Variants in ARHGEF11 observed in about 807,000 individuals in gnomAD.
ARHGEF11 encodes the protein Rho guanine nucleotide exchange factor 11, also known as Rho guanine exchange factor (GEF) 11.
A neutral mutation model predicts 193.7 loss-of-function variants in ARHGEF11; 55 were observed. The ratio of observed to expected loss-of-function variants is 0.28; its 90% CI spans 0.23 to 0.36. The LOEUF (loss-of-function observed/expected upper bound fraction) is 0.36. ARHGEF11 is among the 10% of genes least tolerant of loss of function. The pLI, the probability that ARHGEF11 is intolerant of heterozygous loss-of-function variation, is 1.00. For missense variants in ARHGEF11, 1,723 were observed against 2,005.6 expected, an observed-to-expected ratio of 0.86 and a Z score of 2.69; for synonymous variants, 693 against 768.0, an observed-to-expected ratio of 0.90 and a Z score of 1.62.
rs150888166 is a variant in ARHGEF11, at chr1:156,990,093, CCAAT to C, written c.33-3924_33-3921del. On this transcript the variant is annotated intron_variant, in intron 1 of 40. Coordinates refer to ENST00000368194, the MANE Select transcript of ARHGEF11 (RefSeq NM_198236.3). ...TTCCCCAATTGCCTCAGTTCAGGAG[CCAAT>C]CAAAGATCTCGAATTATACTTACGT... 7.9e-3 allele frequency among the ~76,000 whole-genome samples: 1,206 copies of C among 152,266 alleles called. 14 individuals carry two copies. Among genetic ancestry groups the C allele is most frequent in the African/African-American group, 0.026 (1,077 of 41,536 alleles).
At chr1:157,027,160 G>A (rs770877409) in intron 1 of ARHGEF11, among the ~76,000 whole-genome samples, 18 of 152,256 alleles carry the variant, frequency 1.2e-4, no homozygotes, top group Middle Eastern at 3.4e-3. Context: ...CAGGAGGATC[G>A]CTTGAGCCTA....
At chr1:156,941,455 G>C in intron 34 of ARHGEF11, 22 bp from the exon 35 acceptor site, 1 of 1,612,394 alleles carries the variant, frequency 6.2e-7, no homozygotes, top group Non-Finnish European at 8.5e-7. Context: ...AACCAACACA[G>C]GATGAGATCC....
Position 156,940,270 on chromosome 1 carries a change from T to C in ARHGEF11, c.3670A>G (p.Ile1224Val). The C allele has an allele frequency of 6.2e-7, 1 of 1,612,414 alleles. No individual in the cohort carries two copies. The highest frequency in any genetic ancestry group is 8.5e-7 in the Non-Finnish European group (1 of 1,178,914). The change falls in exon 36 of 41, where the codon ATC (isoleucine) becomes GTC (valine). Residue 1224 changes from isoleucine to valine, a missense_variant. Physicochemically the swap from Ile to Val is conservative, Grantham distance 29. Coordinates refer to ENST00000368194, the MANE Select transcript of ARHGEF11 (RefSeq NM_198236.3). ...AGAGGGCCTGGGAAGGCCAAGTGGA[T>C]GGGGTTCCTTGTCCTGATGCCCCTG... ...ENRGIRTRNP[I>V]HLAFPGPLFM... is the part of the protein sequence containing the mutation.
chr1:157,030,545 G>A (rs1486190921), intron 1 of ARHGEF11, among the ~76,000 whole-genome samples: 1 of 152,116 alleles, frequency 6.6e-6, no homozygotes, highest in Non-Finnish European at 1.5e-5. Flanking sequence ...TTCCTAGTCA[G>A]GCAAATTTCA....
At chr1:156,969,532 C>T (rs1662224901) in intron 9 of ARHGEF11, among the ~76,000 whole-genome samples, 174 bp from the exon 10 acceptor site, 1 of 152,154 alleles carries the variant, frequency 6.6e-6, no homozygotes, top group South Asian at 2.1e-4. Flanking sequence ...CTTCCCGGCA[C>T]ACCTCCCCTC....
rs369125004 is a variant in ARHGEF11, at chr1:156,947,878, C to G, written c.2232G>C (p.Leu744=). Residue 744 remains leucine (L), a synonymous_variant, in exon 25 of 41, where the codon CTG becomes CTC. Transcript: ENST00000368194. Reference sequence around the variant, plus strand: ...CATCTGGCTCTGGCTCCAGGTCAGACAGCTGGCCCAGATCATCCTCTAGGA... The same window carrying G: ...CATCTGGCTCTGGCTCCAGGTCAGAGAGCTGGCCCAGATCATCCTCTAGGA... The part of the protein sequence containing the change: ...PHLLEDDLGQ[L]SDLEPEPDAQ... The G allele has an allele frequency of 5.6e-6, 9 of 1,614,152 alleles. No individual in the cohort carries two copies. The highest frequency in any genetic ancestry group is 2.2e-5 in the East Asian group (1 of 44,878).
chr1:156,978,174 G>T (rs753876587), intron 6 of ARHGEF11, 30 bp downstream of exon 6: 3 of 1,613,858 alleles, frequency 1.9e-6, no homozygotes, highest in Admixed American at 3.3e-5. Context: ...GGACATTAGG[G>T]TGAGGAAAGA....
intron 1 of ARHGEF11, among the ~76,000 whole-genome samples, chr1:157,036,211 A>C (rs1240827015): frequency 6.8e-6 from 1 of 146,148 alleles, no homozygotes; most frequent in Non-Finnish European, 1.5e-5. Context: ...ATATACATAT[A>C]TATATATGGC....
chr1:157,008,979 T>C lies in ARHGEF11; in HGVS notation c.33-22806A>G, dbSNP rs572242024. 1.5e-3 allele frequency among the ~76,000 whole-genome samples: 228 copies of C among 152,340 alleles called. 1 individual carries two copies. The highest frequency in any genetic ancestry group is 5.2e-3 in the African/African-American group (216 of 41,580). ...TTTCAAAGGCTTTTCCTCCTAGCTA[T>C]TGTTGAACTACAAGATTGCACTCAG... On this transcript the variant is annotated intron_variant, in intron 1 of 40. Coordinates refer to ENST00000368194, the MANE Select transcript of ARHGEF11 (RefSeq NM_198236.3).
At chr1:157,022,551 G>A (rs1351008719) in intron 1 of ARHGEF11, among the ~76,000 whole-genome samples, 7 of 152,182 alleles carry the variant, frequency 4.6e-5, no homozygotes, top group Admixed American at 4.6e-4. Context: ...AGACATCCAT[G>A]TTTATGGGTT....
chr1:157,037,549 C>T (rs1321924266), intron 1 of ARHGEF11, among the ~76,000 whole-genome samples: 1 of 152,188 alleles, frequency 6.6e-6, no homozygotes, highest in Non-Finnish European at 1.5e-5. Flanking sequence ...TGTTGCTCCT[C>T]TAGTCTGAAA....
At chr1:156,961,525 T>G in intron 14 of ARHGEF11, 152 bp downstream of exon 14, 1 of 652,994 alleles carries the variant, frequency 1.5e-6, no homozygotes, top group Non-Finnish European at 2.7e-6. Context: ...AGAGTGGCGC[T>G]AGGAACAGAA....
chr1:156,955,710 A>G lies in ARHGEF11; in HGVS notation c.1761T>C (p.Ser587=), dbSNP rs1659852201. Residue 587 remains serine (S), a synonymous_variant, in exon 20 of 41, where the codon TCT becomes TCC. Transcript: ENST00000368194. ...LKYIGKPKSS[S]QSTFHIPLSP... ...TGCTCCCCAAATACTCACTGCTTTG[A>G]GAAGAGCTTTTGGGCTTCCCAATGT... 1 of 1,613,666 alleles carries G rather than the reference A, an allele frequency of 6.2e-7. No individual in the cohort carries two copies.
chr1:156,961,127 C>T (rs1450967774), intron 14 of ARHGEF11, among the ~76,000 whole-genome samples: 2 of 152,236 alleles, frequency 1.3e-5, no homozygotes, highest in Non-Finnish European at 2.9e-5. Context: ...TCTGGGATGG[C>T]GATTGCCCTT....
intron 7 of ARHGEF11, among the ~76,000 whole-genome samples, chr1:156,974,298 G>A (rs1052990768): frequency 1.3e-5 from 2 of 151,934 alleles, no homozygotes; most frequent in Non-Finnish European, 2.9e-5. Context: ...GAACTCGTAG[G>A]CTCAAGTAAT....
Position 157,013,263 on chromosome 1 carries a change from T to TCACACACACA in ARHGEF11, c.33-27100_33-27091dup, listed in dbSNP as rs71084208. Among the ~76,000 whole-genome samples the TCACACACACA allele has an allele frequency of 3.3e-3, 471 of 140,784 alleles. 8 individuals carry two copies. The highest frequency in any genetic ancestry group is 0.011 in the African/African-American group (409 of 36,714). The allele number at this position is 140,784 out of a possible 152,430, so 92.4% of individuals were successfully genotyped here. A position where few individuals can be genotyped will look rare whatever the true frequency, so the allele number is the denominator to read the frequency against. On this transcript the variant is annotated intron_variant, in intron 1 of 40. Coordinates refer to ENST00000368194, the MANE Select transcript of ARHGEF11 (RefSeq NM_198236.3). ...ACTGCTCATAACTCCCCACTATCAC[T>TCACACACACA]CACACACACACACACACACACACAC...
intron 21 of ARHGEF11, among the ~76,000 whole-genome samples, chr1:156,952,885 G>T (rs1045070710): frequency 2.0e-5 from 3 of 152,248 alleles, no homozygotes; most frequent in Non-Finnish European, 4.4e-5. Context: ...CCATGCAGAT[G>T]CCAGGGCCAG....
intron 2 of ARHGEF11, among the ~76,000 whole-genome samples, chr1:156,985,136 T>C (rs1255284766): frequency 6.6e-6 from 1 of 152,172 alleles, no homozygotes; most frequent in Non-Finnish European, 1.5e-5. Flanking sequence ...GTATGTGTGA[T>C]TGCATCCTGC....
chr1:157,040,715 G>T (rs568892765), intron 1 of ARHGEF11, among the ~76,000 whole-genome samples: 16 of 152,222 alleles, frequency 1.1e-4, no homozygotes, highest in African/African-American at 3.1e-4. Context: ...ACCTTGTTTT[G>T]TTTTGGGATA....
Sources: gnomAD v4.1 joint callset for allele counts (sites outside exome capture counted in the v4.1 genomes callset) on GRCh38, gnomAD v4.1.1 for gene constraint, MANE v1.5 for transcripts, NCBI Gene and HGNC (gene_info 2026-07-23, HGNC 2026-07-21) for gene names.